Variants in HTD2 observed in about 807,000 individuals in gnomAD.
HTD2 encodes hydroxyacyl-thioester dehydratase type 2, also known as hydroxyacyl-thioester dehydratase type 2, mitochondrial.
In HTD2, 1 loss-of-function variant was observed where a neutral mutation model predicts 3.1. That is an observed-to-expected ratio of 0.32 (90% CI 0.11 to 1.52). The LOEUF is 1.52. Ranked by LOEUF, HTD2 falls within the 40% of genes most tolerant of loss-of-function variation. The pLI, the probability that HTD2 is intolerant of heterozygous loss-of-function variation, is 0.39. For synonymous variants in HTD2, 50 were observed against 28.9 expected, an observed-to-expected ratio of 1.73 and a Z score of -2.34; for missense variants, 150 against 79.6, an observed-to-expected ratio of 1.88 and a Z score of -3.36.
At chr3:58,316,863 C>A in intron 3 of HTD2, 52 bp from the exon 4 acceptor site, 2 of 1,439,760 alleles carry the variant, frequency 1.4e-6, no homozygotes, top group South Asian at 2.4e-5. Context: ...AGTTGAAGTT[C>A]ATTTTGTTCT....
chr3:58,312,980 A>AAG (rs1376152832), intron 2 of HTD2, among the ~76,000 whole-genome samples: 5 of 135,688 alleles, frequency 3.7e-5, no homozygotes, highest in African/African-American at 1.3e-4. Flanking sequence ...AAAAAAAAAA[A>AAG]GGGCTGGGCA....
rs1490489829 is a variant in HTD2 at position 58,317,434 on chromosome 3, T to G, written c.-174-6T>G. ...CAATGCCTTAACCTTTTTCTTTCTC[T>G]TCTAGGTTTCTCCATTTCTTCTTGC... On this transcript the variant is annotated splice_polypyrimidine_tract_variant and splice_region_variant and intron_variant, in intron 4 of 4. Coordinates refer to ENST00000461393, the MANE Select transcript of HTD2 (RefSeq NM_001348712.2). 9 of 1,588,054 alleles carry G rather than the reference T, an allele frequency of 5.7e-6. No homozygotes were observed. Among genetic ancestry groups the G allele is most frequent in the Non-Finnish European group, 6.9e-6 (8 of 1,158,078 alleles).
chr3:58,312,727 G>T (rs2097483667), intron 2 of HTD2, among the ~76,000 whole-genome samples: 1 of 152,016 alleles, frequency 6.6e-6, no homozygotes, highest in Non-Finnish European at 1.5e-5. Context: ...TCGGGAGGCT[G>T]AGATGAGCAG....
chr3:58,307,340 G>A (rs1276117780), intron 1 of HTD2, among the ~76,000 whole-genome samples: 2 of 152,204 alleles, frequency 1.3e-5, no homozygotes, highest in African/African-American at 2.4e-5. Context: ...CTCACTGGCC[G>A]CCGTAGGGAT....
Position 58,318,280 on chromosome 3 carries a change from G to C in HTD2, c.*160G>C. 3.6e-6 allele frequency: 2 copies of C among 550,694 alleles called. No homozygotes were observed. The highest frequency in any genetic ancestry group is 6.3e-6 in the Non-Finnish European group (2 of 315,026). 34.1% of individuals were successfully genotyped at this position (550,694 alleles called of 1,614,324 possible). A position where few individuals can be genotyped will look rare whatever the true frequency, so the allele number is the denominator to read the frequency against. On this transcript the variant is annotated 3_prime_UTR_variant, in exon 5 of 5. Transcript: ENST00000461393. ...GGGTTGTTCAAATGCCCACTTTCCA[G>C]TTTGGCCTTATGCTTCATGCAGACT... is the stretch of plus-strand genomic sequence containing the variant.
At chr3:58,312,332 G>GCACC (rs2097483111) in intron 2 of HTD2, among the ~76,000 whole-genome samples, 1 of 85,328 alleles carries the variant, frequency 1.2e-5, no homozygotes, top group Non-Finnish European at 2.4e-5. Flanking sequence ...CACAACCTCC[G>GCACC]CACCCCCCCC....
chr3:58,320,121 A>C lies in HTD2; in HGVS notation c.*2001A>C, dbSNP rs1289617316. On this transcript the variant is annotated 3_prime_UTR_variant, in exon 5 of 5. Transcript: ENST00000461393. The stretch of plus-strand genomic sequence containing the variant: ...TTGATATAGCATGTTTTCAGGGTTC[A>C]TCCATGTTACAGCATGTATCAGTAC... The C allele has an allele frequency of 6.6e-6, 1 of 152,136 alleles. No homozygotes were observed. The highest frequency in any genetic ancestry group is 6.6e-5 in the Admixed American group (1 of 15,262). The allele number at this position is 152,136 out of a possible 1,614,324, so 9.4% of individuals were successfully genotyped here.
In HTD2 at chr3:58,317,879, A is replaced by G; in HGVS notation, c.266A>G (p.Asn89Ser). The G allele has an allele frequency of 1.4e-6, 1 of 703,064 alleles. No homozygotes were observed. Among genetic ancestry groups the G allele is most frequent in the Non-Finnish European group, 2.6e-6 (1 of 385,020 alleles). The allele number at this position is 703,064 out of a possible 1,614,324, so 43.6% of individuals were successfully genotyped here. A position where few individuals can be genotyped will look rare whatever the true frequency, so the allele number is the denominator to read the frequency against. ...GNTIVHGVLI[N>S]GLISALLGTK... ...ACAATTGTACATGGAGTTTTGATCA[A>G]CGGACTTATCTCAGCTCTCCTAGGA... is the stretch of plus-strand genomic sequence containing the variant. The change falls in exon 5 of 5, where the codon AAC becomes AGC. Residue 89 changes from asparagine (N) to serine (S), a missense_variant. By Grantham distance (46) the Asn-to-Ser change is conservative (BLOSUM62 1). Coordinates refer to ENST00000461393, the MANE Select transcript of HTD2 (RefSeq NM_001348712.2).
chr3:58,313,056 G>C (rs945366157), intron 2 of HTD2, among the ~76,000 whole-genome samples: 1 of 150,612 alleles, frequency 6.6e-6, no homozygotes, highest in Non-Finnish European at 1.5e-5. Context: ...AAGGTCAGCC[G>C]ATCAAGACCA....
intron 1 of HTD2, among the ~76,000 whole-genome samples, chr3:58,307,271 G>T (rs919627433): frequency 1.3e-5 from 2 of 152,176 alleles, no homozygotes; most frequent in African/African-American, 4.8e-5. Context: ...TGGATAAAAC[G>T]GGAACCATAG....
intron 4 of HTD2, 54 bp from the exon 5 acceptor site, chr3:58,317,386 C>T: frequency 1.7e-6 from 2 of 1,207,636 alleles, no homozygotes; most frequent in African/African-American, 1.5e-5. Context: ...CCCCATTGCC[C>T]TGTGCTTCAG....
At position 58,316,251 on chromosome 3, in the gene HTD2, T is replaced by A. The variant is rs2097488195; in HGVS notation, c.-330-264T>A. On this transcript the variant is annotated intron_variant, in intron 2 of 4. Coordinates refer to ENST00000461393, the MANE Select transcript of HTD2 (RefSeq NM_001348712.2). Reference sequence around the variant, plus strand: ...CTGTACAAGAAAGAACATAGCAAGCTGACTTTGTCTCATCTTGAAGATCAG... The same window carrying A: ...CTGTACAAGAAAGAACATAGCAAGCAGACTTTGTCTCATCTTGAAGATCAG... Among the ~76,000 whole-genome samples the A allele has an allele frequency of 2.0e-5, 3 of 152,302 alleles. No homozygotes were observed. In the South Asian group the frequency reaches 6.2e-4, roughly 32 times the overall value.
intron 1 of HTD2, among the ~76,000 whole-genome samples, chr3:58,309,354 C>T (rs901404295): frequency 6.6e-6 from 1 of 152,064 alleles, no homozygotes; most frequent in Non-Finnish European, 1.5e-5. Context: ...GTCATCTTCT[C>T]GAAAATGGGA....
At chr3:58,316,743 A>C in intron 3 of HTD2, 152 bp downstream of exon 3, 2 of 878,542 alleles carry the variant, frequency 2.3e-6, no homozygotes, top group East Asian at 5.1e-5. Context: ...ACATTCATCC[A>C]CCAGAAACTT....
intron 3 of HTD2, 60 bp downstream of exon 3, chr3:58,316,651 A>G: frequency 2.8e-6 from 4 of 1,427,876 alleles, no homozygotes; most frequent in Non-Finnish European, 3.9e-6. Flanking sequence ...TGGAGCAAAA[A>G]TGCTCTCTTC....
intron 2 of HTD2, among the ~76,000 whole-genome samples, chr3:58,313,068 C>T (rs2097484127): frequency 6.6e-6 from 1 of 151,806 alleles, no homozygotes; most frequent in South Asian, 2.1e-4. Flanking sequence ...TCAAGACCAT[C>T]CTGGCTAACA....
Position 58,317,971 on chromosome 3 carries a change from A to G in HTD2, c.358A>G (p.Ile120Val). 1 of 702,916 alleles carries G rather than the reference A, an allele frequency of 1.4e-6. No homozygotes were observed. Among genetic ancestry groups the G allele is most frequent in the Non-Finnish European group, 2.6e-6 (1 of 384,984 alleles). The allele number at this position is 702,916 out of a possible 1,614,324, so 43.5% of individuals were successfully genotyped here. Reference protein sequence around the residue: ...QEISFPAPLYIGEVVLASAEV... With the variant: ...QEISFPAPLYVGEVVLASAEV... Reference sequence around the variant, plus strand: ...AATTAGCTTTCCAGCCCCTTTATATATTGGAGAAGTTGTTTTAGCTTCTGC... The same window carrying G: ...AATTAGCTTTCCAGCCCCTTTATATGTTGGAGAAGTTGTTTTAGCTTCTGC... Residue 120 changes from isoleucine (I) to valine (V), a missense_variant, in exon 5 of 5, where the codon ATT becomes GTT. Coordinates refer to ENST00000461393, the MANE Select transcript of HTD2 (RefSeq NM_001348712.2).
At position 58,318,736 on chromosome 3, in the gene HTD2, A is replaced by G. The variant is rs1033741745; in HGVS notation, c.*616A>G. 1 of 151,658 alleles carries G rather than the reference A, an allele frequency of 6.6e-6. No homozygotes were observed. The highest frequency in any genetic ancestry group is 2.4e-5 in the African/African-American group (1 of 41,264). The allele number at this position is 151,658 out of a possible 1,614,324, so 9.4% of individuals were successfully genotyped here. On this transcript the variant is annotated 3_prime_UTR_variant, in exon 5 of 5. Coordinates refer to ENST00000461393, the MANE Select transcript of HTD2 (RefSeq NM_001348712.2). Reference sequence around the variant, plus strand: ...ACTTTTAAATCAGGCGTGGCAGCTCACGCCTGTAATCCCAGCATTTTGGGA... The same window carrying G: ...ACTTTTAAATCAGGCGTGGCAGCTCGCGCCTGTAATCCCAGCATTTTGGGA...
Position 58,318,277 on chromosome 3 carries a change from C to A in HTD2, c.*157C>A, listed in dbSNP as rs1330815361. On this transcript the variant is annotated 3_prime_UTR_variant, in exon 5 of 5. Coordinates refer to ENST00000461393, the MANE Select transcript of HTD2 (RefSeq NM_001348712.2). ...AGAGGGTTGTTCAAATGCCCACTTTCCAGTTTGGCCTTATGCTTCATGCAG... is the reference window on the plus strand; with the variant it reads ...AGAGGGTTGTTCAAATGCCCACTTTACAGTTTGGCCTTATGCTTCATGCAG... 3.6e-6 allele frequency: 2 copies of A among 550,886 alleles called. No individual in the cohort carries two copies. The highest frequency in any genetic ancestry group is 7.2e-5 in the Admixed American group (2 of 27,832). 34.1% of individuals were successfully genotyped at this position (550,886 alleles called of 1,614,324 possible).
Sources: allele counts gnomAD v4.1 joint callset (sites outside exome capture counted in the v4.1 genomes callset), GRCh38; gene constraint gnomAD v4.1.1; transcripts MANE v1.5; gene names NCBI Gene and HGNC (gene_info 2026-07-23, HGNC 2026-07-21).